Variants in UGGT1 observed in about 807,000 individuals in gnomAD.
UGGT1 encodes the protein UDP-glucose:glycoprotein glucosyltransferase 1.
Under a neutral mutation model 203.9 loss-of-function variants are expected in UGGT1, and 107 were observed. That is an observed-to-expected ratio of 0.52 (90% CI 0.45 to 0.62). The LOEUF (loss-of-function observed/expected upper bound fraction) is 0.62. UGGT1 is among the 20% of genes least tolerant of loss of function. The pLI, the probability that UGGT1 is intolerant of heterozygous loss-of-function variation, is 0.00. For missense variants in UGGT1, 1,673 were observed against 1,867.2 expected, an observed-to-expected ratio of 0.90 and a Z score of 1.92; for synonymous variants, 628 against 653.5, an observed-to-expected ratio of 0.96 and a Z score of 0.59.
At chr2:128,178,245 C>T (rs1270250910) in intron 33 of UGGT1, among the ~76,000 whole-genome samples, 1 of 152,220 alleles carries the variant, frequency 6.6e-6, no homozygotes, top group Admixed American at 6.5e-5. Context: ...TGTGTTCAGT[C>T]TCTTCCTAAA....
intron 1 of UGGT1, among the ~76,000 whole-genome samples, chr2:128,094,367 C>T (rs1374854639): frequency 6.6e-6 from 1 of 152,058 alleles, no homozygotes; most frequent in East Asian, 1.9e-4. Flanking sequence ...ATGTACTATT[C>T]TGTAATTTAG....
chr2:128,155,665 T>A, intron 20 of UGGT1, 78 bp downstream of exon 20: 1 of 1,134,784 alleles, frequency 8.8e-7, no homozygotes. Flanking sequence ...ATGTGCAAAT[T>A]AAGAGAGAAA....
intron 38 of UGGT1, among the ~76,000 whole-genome samples, chr2:128,185,469 CTTTTTTTTTTTTT>C (rs766681891): frequency 8.8e-6 from 1 of 113,410 alleles, no homozygotes; most frequent in Non-Finnish European, 1.7e-5. Flanking sequence ...CGTGCCCGGC[CTTTTTTTTTTTTT>C]TTTTTTTTTT....
intron 15 of UGGT1, among the ~76,000 whole-genome samples, chr2:128,135,893 T>C (rs1166956853): frequency 6.6e-6 from 1 of 152,236 alleles, no homozygotes; most frequent in Non-Finnish European, 1.5e-5. Flanking sequence ...ACATTTTTCA[T>C]ATAAAGCATG....
rs114287333 is a variant in UGGT1 at position 128,152,475 on chromosome 2, A to G, written c.2017-309A>G. 5.3e-3 allele frequency among the ~76,000 whole-genome samples: 803 copies of G among 152,296 alleles called. 3 individuals are homozygous for G. Among genetic ancestry groups the G allele is most frequent in the Non-Finnish European group, 8.3e-3 (567 of 68,020 alleles). ...TTCCTGGCCTGGGTTTGCATTTCATAATCACTTTGCATTAGCTTTGTGAGT... is the reference window on the plus strand; with the variant it reads ...TTCCTGGCCTGGGTTTGCATTTCATGATCACTTTGCATTAGCTTTGTGAGT... On this transcript the variant is annotated intron_variant, in intron 18 of 40. Coordinates refer to ENST00000259253, the MANE Select transcript of UGGT1 (RefSeq NM_020120.4).
At chr2:128,152,957 A>G in intron 19 of UGGT1, 53 bp downstream of exon 19, 2 of 1,600,728 alleles carry the variant, frequency 1.2e-6, no homozygotes, top group Non-Finnish European at 1.7e-6. Flanking sequence ...GTGCTTCAGA[A>G]TCTTTACATT....
chr2:128,109,752 T>G lies in UGGT1; in HGVS notation c.521+6T>G. 6.2e-7 allele frequency: 1 copy of G among 1,605,858 alleles called. No individual in the cohort carries two copies. Among genetic ancestry groups the G allele is most frequent in the Non-Finnish European group, 8.5e-7 (1 of 1,172,798 alleles). On this transcript the variant is annotated splice_donor_region_variant and intron_variant, in intron 5 of 40. Transcript: ENST00000259253. Reference sequence around the variant, plus strand: ...CTACTGACAGCCTCTGAAAGGTAGATTATGTGTTTCTTTATTTTCATGTCA... The same window carrying G: ...CTACTGACAGCCTCTGAAAGGTAGAGTATGTGTTTCTTTATTTTCATGTCA...
At chr2:128,157,993 A>G (rs997956820) in intron 22 of UGGT1, among the ~76,000 whole-genome samples, 8 of 151,994 alleles carry the variant, frequency 5.3e-5, no homozygotes, top group Non-Finnish European at 8.8e-5. Context: ...TGTACCTGGG[A>G]AGGTTTACTG....
At chr2:128,143,310 C>A in intron 17 of UGGT1, 85 bp downstream of exon 17, 1 of 1,398,470 alleles carries the variant, frequency 7.2e-7, no homozygotes. Flanking sequence ...TTAATAATGG[C>A]GATGGTGGTT....
intron 7 of UGGT1, among the ~76,000 whole-genome samples, chr2:128,115,483 T>TAAAAAAA (rs55952659): frequency 1.6e-5 from 2 of 121,748 alleles, no homozygotes; most frequent in African/African-American, 6.1e-5. Flanking sequence ...TTTCATGTAC[T>TAAAAAAA]AAAAAAAAAA....
intron 25 of UGGT1, 108 bp from the exon 26 acceptor site, chr2:128,164,622 T>G: frequency 1.1e-6 from 1 of 896,654 alleles, no homozygotes; most frequent in Non-Finnish European, 1.8e-6. Flanking sequence ...TATACCTTGT[T>G]CAAACCATCT....
chr2:128,123,778 G>A (rs1688489752), intron 11 of UGGT1, among the ~76,000 whole-genome samples: 1 of 152,124 alleles, frequency 6.6e-6, no homozygotes, highest in South Asian at 2.1e-4. Context: ...GGGCATGCCG[G>A]TCATCCTGAG....
intron 18 of UGGT1, among the ~76,000 whole-genome samples, chr2:128,148,894 G>A (rs575233077): frequency 2.0e-5 from 3 of 152,286 alleles, no homozygotes; most frequent in South Asian, 4.1e-4. Flanking sequence ...CACTGAGTGA[G>A]GTCTGGTTCA....
rs750543596 is a variant in UGGT1 at position 128,181,046 on chromosome 2, A to G, written c.4057A>G (p.Lys1353Glu). ...TGTACTTTTCCCACTAGTTGTTGAC[A>G]AGTTCCTGTTTGTGGATGCTGATCA... The part of the protein sequence containing the change: ...LDVLFPLVVD[K>E]FLFVDADQIV... Residue 1353 changes from lysine to glutamate, a missense_variant, in exon 36 of 41, where the codon AAG becomes GAG. Transcript: ENST00000259253. 1 of 1,614,160 alleles carries G rather than the reference A, an allele frequency of 6.2e-7. No homozygotes were observed. The highest frequency in any genetic ancestry group is 8.5e-7 in the Non-Finnish European group (1 of 1,180,018).
At position 128,189,927 on chromosome 2, in the gene UGGT1, C is replaced by T. The variant is rs1483283006; in HGVS notation, c.*185C>T. 9.9e-6 allele frequency: 6 copies of T among 608,882 alleles called. No individual in the cohort carries two copies. The highest frequency in any genetic ancestry group is 1.7e-5 in the Non-Finnish European group (6 of 356,838). 37.7% of individuals were successfully genotyped at this position (608,882 alleles called of 1,614,324 possible). On this transcript the variant is annotated 3_prime_UTR_variant, in exon 41 of 41. Transcript: ENST00000259253. ...GGCCACTGGATCTTTGGGATTAAAG[C>T]TCTGTTGGATTTGTACCTCAGAGGA...
intron 18 of UGGT1, among the ~76,000 whole-genome samples, chr2:128,149,532 G>A (rs1689848634): frequency 6.6e-6 from 1 of 151,088 alleles, no homozygotes; most frequent in South Asian, 2.1e-4. Flanking sequence ...TTGGGAAACC[G>A]AGGTGGGCGG....
At chr2:128,137,742 T>C (rs114048542) in intron 15 of UGGT1, among the ~76,000 whole-genome samples, 1,950 of 152,344 alleles carry the variant, frequency 0.013, 20 homozygotes, top group Non-Finnish European at 0.02. Context: ...AAGTCTGGTC[T>C]AGACTGATTA....
intron 8 of UGGT1, among the ~76,000 whole-genome samples, chr2:128,118,896 C>G (rs894529293): frequency 1.3e-5 from 2 of 152,128 alleles, no homozygotes; most frequent in Non-Finnish European, 2.9e-5. Context: ...TCTTGAACTC[C>G]TGGGCTCAAG....
chr2:128,183,225 G>A (rs1419972309), intron 37 of UGGT1, among the ~76,000 whole-genome samples: 1 of 152,180 alleles, frequency 6.6e-6, no homozygotes, highest in Non-Finnish European at 1.5e-5. Flanking sequence ...TGTAGGAAGC[G>A]GCACATGCAG....
Sources: allele counts gnomAD v4.1 joint callset (sites outside exome capture counted in the v4.1 genomes callset), GRCh38; gene constraint gnomAD v4.1.1; transcripts MANE v1.5; gene names NCBI Gene and HGNC (gene_info 2026-07-23, HGNC 2026-07-21).